RBFOX1: variants seen among roughly 807,000 people sequenced by gnomAD.
RBFOX1 encodes the protein RNA binding fox-1 homolog 1, also known as RNA binding protein fox-1 homolog 1.
Under a neutral mutation model 57.7 loss-of-function variants are expected in RBFOX1, and 8 were observed. That is an observed-to-expected ratio of 0.14 (90% CI 0.08 to 0.25). RBFOX1 has a LOEUF of 0.25. Ranked by LOEUF, RBFOX1 falls within the 10% of genes least tolerant of loss-of-function variation. The pLI is 1.00. For missense variants in RBFOX1, 611 were observed against 548.5 expected, an observed-to-expected ratio of 1.11 and a Z score of -1.14; for synonymous variants, 326 against 222.4, an observed-to-expected ratio of 1.47 and a Z score of -4.15.
chr16:7,113,159 A>C (rs1419742026), intron 4 of RBFOX1, among the ~76,000 whole-genome samples: 3 of 152,180 alleles, frequency 2.0e-5, no homozygotes, highest in Admixed American at 1.3e-4. Flanking sequence ...TTAATTTGTC[A>C]ACTAAATAAA....
At chr16:7,533,628 C>G (rs992348737) in intron 5 of RBFOX1, among the ~76,000 whole-genome samples, 1 of 152,170 alleles carries the variant, frequency 6.6e-6, no homozygotes, top group African/African-American at 2.4e-5. Context: ...CACAAAGCCT[C>G]TTTTATACTG....
At chr16:5,485,572 A>G (rs1211138817) in intron 2 of RBFOX1, among the ~76,000 whole-genome samples, 1 of 152,176 alleles carries the variant, frequency 6.6e-6, no homozygotes, top group African/African-American at 2.4e-5. Flanking sequence ...ATGGATTTTA[A>G]TATTTATTCC....
intron 1 of RBFOX1, among the ~76,000 whole-genome samples, chr16:6,033,600 G>T (rs2095321422): frequency 6.6e-6 from 1 of 152,194 alleles, no homozygotes; most frequent in Admixed American, 6.5e-5. Context: ...GTGTGTGTGT[G>T]TGTGCACACG....
chr16:6,266,733 G>A (rs2074551895), intron 1 of RBFOX1, among the ~76,000 whole-genome samples: 1 of 151,436 alleles, frequency 6.6e-6, no homozygotes, highest in Admixed American at 6.6e-5. Flanking sequence ...AAAAGAAGAA[G>A]AAGAAGAAGA....
Position 5,631,553 on chromosome 16 carries a change from AT to A in RBFOX1, c.318+32595del, listed in dbSNP as rs56969958. On this transcript the variant is annotated intron_variant, in intron 3 of 19. Coordinates refer to the RBFOX1 transcript ENST00000641259. ...GCCTGGTGACAGACCGAGACTCCAT[AT>A]TTAAAAAAAAAAAAAAAGTGTCTCT... 8.6e-3 allele frequency among the ~76,000 whole-genome samples: 1,290 copies of A among 150,704 alleles called. 27 individuals are homozygous for A. In the East Asian group the frequency reaches 0.098, roughly 11 times the overall value.
At chr16:7,337,129 A>G (rs1486273133) in intron 4 of RBFOX1, among the ~76,000 whole-genome samples, 1 of 152,120 alleles carries the variant, frequency 6.6e-6, no homozygotes, top group African/African-American at 2.4e-5. Flanking sequence ...AGAACCTAAA[A>G]CCTACACTTA....
chr16:5,975,843 A>C (rs1196145519), intron 4 of RBFOX1, among the ~76,000 whole-genome samples: 1 of 152,226 alleles, frequency 6.6e-6, no homozygotes, highest in Non-Finnish European at 1.5e-5. Flanking sequence ...CAGTCAAAAT[A>C]ATTAATATTT....
intron 3 of RBFOX1, among the ~76,000 whole-genome samples, chr16:6,855,988 C>T (rs2057813661): frequency 2.0e-5 from 3 of 152,016 alleles, no homozygotes; most frequent in South Asian, 4.2e-4. Flanking sequence ...CTAATACAGG[C>T]CTATTGATCC....
At chr16:6,354,101 T>G (rs2086868416) in intron 2 of RBFOX1, among the ~76,000 whole-genome samples, 1 of 151,972 alleles carries the variant, frequency 6.6e-6, no homozygotes, top group South Asian at 2.1e-4. Flanking sequence ...GCGTCTGTAG[T>G]CCCAGCTACT....
intron 2 of RBFOX1, among the ~76,000 whole-genome samples, chr16:6,455,374 C>T (rs2094744308): frequency 6.6e-6 from 1 of 152,128 alleles, no homozygotes; most frequent in Admixed American, 6.5e-5. Flanking sequence ...GATGTCACTC[C>T]TGCTCTGCGG....
intron 1 of RBFOX1, among the ~76,000 whole-genome samples, chr16:5,414,761 AG>A (rs898767403): frequency 1.3e-5 from 2 of 152,174 alleles, no homozygotes; most frequent in African/African-American, 4.8e-5. Flanking sequence ...TTGGATCTTA[AG>A]GGTGAAATTG....
At chr16:5,420,641 C>T (rs559303680) in intron 1 of RBFOX1, among the ~76,000 whole-genome samples, 1 of 152,264 alleles carries the variant, frequency 6.6e-6, no homozygotes, top group Non-Finnish European at 1.5e-5. Context: ...TCCCCCAACC[C>T]TGAGTCTGCA....
intron 9 of RBFOX1, among the ~76,000 whole-genome samples, chr16:7,599,303 G>A (rs1024663655): frequency 1.3e-5 from 2 of 152,242 alleles, no homozygotes; most frequent in Non-Finnish European, 2.9e-5. Context: ...AGGCACATGT[G>A]TGCTTGTCTA....
intron 3 of RBFOX1, among the ~76,000 whole-genome samples, chr16:6,755,479 T>A (rs866223775): frequency 6.6e-6 from 1 of 152,182 alleles, no homozygotes; most frequent in Non-Finnish European, 1.5e-5. Context: ...TTTCATGTGT[T>A]TTTTGGCTGC....
chr16:5,669,108 C>A (rs2049938612), intron 3 of RBFOX1, among the ~76,000 whole-genome samples: 2 of 152,164 alleles, frequency 1.3e-5, no homozygotes, highest in Admixed American at 1.3e-4. Context: ...GTTGAATAGA[C>A]CCAAAATGTA....
chr16:6,260,644 G>A (rs8063603), intron 1 of RBFOX1, among the ~76,000 whole-genome samples: 78,400 of 152,110 alleles, frequency 0.52, 23,515 homozygotes, highest in East Asian at 0.82. Context: ...TTGGGAGGCC[G>A]AGGCAGGTGG....
At chr16:6,325,065 A>C (rs1325408988) in intron 2 of RBFOX1, among the ~76,000 whole-genome samples, 1 of 152,190 alleles carries the variant, frequency 6.6e-6, no homozygotes, top group East Asian at 1.9e-4. Flanking sequence ...AACGAATTAC[A>C]GGAAAGGTAC....
At chr16:6,701,574 G>A (rs1256324374) in intron 3 of RBFOX1, among the ~76,000 whole-genome samples, 1 of 152,156 alleles carries the variant, frequency 6.6e-6, no homozygotes, top group Non-Finnish European at 1.5e-5. Context: ...GGTGAAGGGG[G>A]AGCAGGAGTG....
chr16:7,057,462 C>T (rs756070321), intron 4 of RBFOX1, among the ~76,000 whole-genome samples: 1 of 152,188 alleles, frequency 6.6e-6, no homozygotes, highest in Non-Finnish European at 1.5e-5. Context: ...TACCTTTATG[C>T]ACACATCACA....
Sources: gnomAD v4.1 joint callset for allele counts (sites outside exome capture counted in the v4.1 genomes callset) on GRCh38, gnomAD v4.1.1 for gene constraint, MANE v1.5 for transcripts, NCBI Gene and HGNC (gene_info 2026-07-23, HGNC 2026-07-21) for gene names.